Variants in GALNT18 observed in about 807,000 individuals in gnomAD.
GALNT18 encodes GalNAc-transferase 18.
In GALNT18, 44 loss-of-function variants were observed where a neutral mutation model predicts 69.5. The ratio of observed to expected loss-of-function variants is 0.63; its 90% CI spans 0.50 to 0.81. The LOEUF (loss-of-function observed/expected upper bound fraction) is 0.81, where lower values mean the gene tolerates loss of function less well. Among genes scored for constraint, GALNT18 ranks in the 40% least tolerant of loss-of-function variants. The probability of loss-of-function intolerance (pLI) is 0.00; values close to 1 mark genes in which losing one functional copy is unlikely to be tolerated. For missense variants in GALNT18, 715 were observed against 810.0 expected (o/e 0.88, Z 1.42); for synonymous variants, 364 against 318.2 (o/e 1.14, Z -1.53).
Position 11,520,117 on chromosome 11 carries a change from T to G in GALNT18, c.236-71181A>C, listed in dbSNP as rs1005871155. 2.0e-5 allele frequency among the ~76,000 whole-genome samples: 3 copies of G among 152,358 alleles called. No individual in the cohort carries two copies. In the East Asian group the frequency reaches 5.8e-4, roughly 29 times the overall value. ...TGGAGAGAGTCCCTGGCCAGTGCCC[T>G]TGGGCGATGTTTTTAACCAACAAGC... On this transcript the variant is annotated intron_variant, in intron 1 of 10. Transcript: ENST00000227756.
At chr11:11,300,346 G>A (rs1465231587) in intron 9 of GALNT18, among the ~76,000 whole-genome samples, 1 of 152,174 alleles carries the variant, frequency 6.6e-6, no homozygotes. Flanking sequence ...GTGGTGAGGG[G>A]TAGAAAGGGA....
intron 7 of GALNT18, among the ~76,000 whole-genome samples, chr11:11,333,769 A>G (rs1353618198): frequency 6.6e-6 from 1 of 152,120 alleles, no homozygotes; most frequent in Non-Finnish European, 1.5e-5. Flanking sequence ...AGGAGTGAGA[A>G]GGCTAGAGAA....
At chr11:11,345,974 G>A (rs750768715) in intron 6 of GALNT18, among the ~76,000 whole-genome samples, 1 of 152,180 alleles carries the variant, frequency 6.6e-6, no homozygotes, top group Non-Finnish European at 1.5e-5. Context: ...GACGGGCACT[G>A]AGCAACACGT....
intron 7 of GALNT18, among the ~76,000 whole-genome samples, chr11:11,334,464 A>C (rs1001644874): frequency 1.3e-5 from 2 of 151,636 alleles, no homozygotes; most frequent in African/African-American, 4.8e-5. Flanking sequence ...AATGGTGTGA[A>C]CCCAGGAGGT....
rs900248511 is a variant in GALNT18 at position 11,377,258 on chromosome 11, C to G, written c.901G>C (p.Asp301His). Residue 301 changes from aspartate (D) to histidine (H), a missense_variant, in exon 5 of 11, where the codon GAC becomes CAC. Coordinates refer to ENST00000227756, the MANE Select transcript of GALNT18 (RefSeq NM_198516.3). This position sits in a 1 kb window ranked among gnomAD's most constrained non-coding sequence, Gnocchi z 4.6. ...EEYPLAAQGFDWELWCRYLNP... is the reference protein window; with the variant it reads ...EEYPLAAQGFHWELWCRYLNP... ...AGGTAGCGGCACCACAGCTCCCAGT[C>G]AAAGCCCTGGGCAGCCAGCGGGTAC... 6.2e-7 allele frequency: 1 copy of G among 1,613,888 alleles called. No individual in the cohort carries two copies. Among genetic ancestry groups the G allele is most frequent in the Non-Finnish European group, 8.5e-7 (1 of 1,180,016 alleles).
rs1356290079 is a variant in GALNT18, at chr11:11,340,630, G to T, written c.1278+189C>A. ...TGCTGACCAGGGATTAGGGTAGCAGGATAAGAAATGGCTTAGAGCCTCATG... is the reference window on the plus strand; with the variant it reads ...TGCTGACCAGGGATTAGGGTAGCAGTATAAGAAATGGCTTAGAGCCTCATG... On this transcript the variant is annotated intron_variant, in intron 7 of 10. Transcript: ENST00000227756. This position sits in a 1 kb window ranked among gnomAD's most constrained non-coding sequence, Gnocchi z 4.2. Among the ~76,000 whole-genome samples, 1 of 152,178 alleles carries T rather than the reference G, an allele frequency of 6.6e-6. No homozygotes were observed. The highest frequency in any genetic ancestry group is 1.5e-5 in the Non-Finnish European group (1 of 68,036).
At chr11:11,515,986 G>T (rs1253786603) in intron 1 of GALNT18, among the ~76,000 whole-genome samples, 1 of 152,218 alleles carries the variant, frequency 6.6e-6, no homozygotes, top group Non-Finnish European at 1.5e-5. Flanking sequence ...TGCAGGATAA[G>T]TGACAGGTGA....
Position 11,340,498 on chromosome 11 carries a change from T to C in GALNT18, c.1278+321A>G, listed in dbSNP as rs139738562. ...ATCCAGGACCATGAAACATCTAATG[T>C]CAGAGAAGCTGAGGACCTGGGAGCA... On this transcript the variant is annotated intron_variant, in intron 7 of 10. Coordinates refer to ENST00000227756, the MANE Select transcript of GALNT18 (RefSeq NM_198516.3). The surrounding 1 kb of genome is among the most constrained non-coding windows in gnomAD (Gnocchi z 4.2). Among the ~76,000 whole-genome samples the C allele has an allele frequency of 1.6e-3, 250 of 152,308 alleles. 1 individual carries two copies. Among genetic ancestry groups the C allele is most frequent in the African/African-American group, 5.4e-3 (224 of 41,562 alleles).
At chr11:11,575,405 A>C (rs1858901136) in intron 1 of GALNT18, among the ~76,000 whole-genome samples, 1 of 152,166 alleles carries the variant, frequency 6.6e-6, no homozygotes, top group African/African-American at 2.4e-5. Flanking sequence ...TTTCCTGATC[A>C]TCCAAGGCAA....
chr11:11,403,619 C>A (rs796179414), intron 3 of GALNT18, among the ~76,000 whole-genome samples: 21 of 152,310 alleles, frequency 1.4e-4, no homozygotes, highest in African/African-American at 4.8e-4. Context: ...GGGTCTTAGT[C>A]CAGGGCTATA....
rs529262478 is a variant in GALNT18 at position 11,387,004 on chromosome 11, G to A, written c.596-7740C>T. Reference sequence around the variant, plus strand: ...AAGACTCTCCAGGTGAGATTCTGACGGATGGGCCAAACTTGGTTACAACTG... The same window carrying A: ...AAGACTCTCCAGGTGAGATTCTGACAGATGGGCCAAACTTGGTTACAACTG... On this transcript the variant is annotated intron_variant, in intron 3 of 10. Transcript: ENST00000227756. The surrounding 1 kb of genome is among the most constrained non-coding windows in gnomAD (Gnocchi z 4.6). Among the ~76,000 whole-genome samples, 8 of 152,176 alleles carry A rather than the reference G, an allele frequency of 5.3e-5. No homozygotes were observed. Among genetic ancestry groups the A allele is most frequent in the Admixed American group, 1.3e-4 (2 of 15,278 alleles).
intron 1 of GALNT18, among the ~76,000 whole-genome samples, chr11:11,580,829 T>G (rs1859062067): frequency 6.6e-6 from 1 of 152,214 alleles, no homozygotes; most frequent in South Asian, 2.1e-4. Flanking sequence ...GTGAAGCATC[T>G]CCAAGGGCAG....
chr11:11,293,428 C>T (rs1395688138), intron 9 of GALNT18, among the ~76,000 whole-genome samples: 1 of 152,070 alleles, frequency 6.6e-6, no homozygotes, highest in Non-Finnish European at 1.5e-5. Flanking sequence ...AGAAATAAAA[C>T]ACCCTTACAT....
At chr11:11,342,948 T>C (rs1262635072) in intron 6 of GALNT18, among the ~76,000 whole-genome samples, 1 of 152,226 alleles carries the variant, frequency 6.6e-6, no homozygotes, top group Admixed American at 6.5e-5. Context: ...AATAAGCATG[T>C]GGTCATTCTT....
At chr11:11,336,700 C>T (rs558434526) in intron 7 of GALNT18, among the ~76,000 whole-genome samples, 3 of 152,178 alleles carry the variant, frequency 2.0e-5, no homozygotes, top group Non-Finnish European at 4.4e-5. Context: ...CTGTGTGAAG[C>T]ATATAGCATC....
At chr11:11,290,799 C>G (rs1195389908) in intron 10 of GALNT18, among the ~76,000 whole-genome samples, 1 of 152,160 alleles carries the variant, frequency 6.6e-6, no homozygotes, top group Non-Finnish European at 1.5e-5. Context: ...AGAGGCCCAG[C>G]AGGTCTGGCT....
intron 1 of GALNT18, among the ~76,000 whole-genome samples, chr11:11,534,985 G>A (rs974785404): frequency 6.6e-6 from 1 of 152,248 alleles, no homozygotes; most frequent in Non-Finnish European, 1.5e-5. Flanking sequence ...CCTTGTTCGG[G>A]TCCTGGCTCC....
At chr11:11,279,995 G>A (rs1564876952) in intron 10 of GALNT18, among the ~76,000 whole-genome samples, 1 of 152,162 alleles carries the variant, frequency 6.6e-6, no homozygotes, top group Non-Finnish European at 1.5e-5. Context: ...GCGGGTGGAG[G>A]GGACTGTGTA....
intron 1 of GALNT18, among the ~76,000 whole-genome samples, chr11:11,593,792 A>C (rs1009045768): frequency 1.3e-4 from 20 of 152,194 alleles, no homozygotes; most frequent in African/African-American, 4.8e-4. Flanking sequence ...AGTAAAATAA[A>C]ATAAAAATTT....
Sources: gnomAD v4.1 joint callset for allele counts (sites outside exome capture counted in the v4.1 genomes callset) on GRCh38, gnomAD v4.1.1 for gene constraint, Gnocchi (gnomAD v3.1) non-coding constraint, MANE v1.5 for transcripts, NCBI Gene and HGNC (gene_info 2026-07-23, HGNC 2026-07-21) for gene names.